The following PRDM11 variants were observed in gnomAD, a reference collection of about 807,000 sequenced individuals.
PRDM11 encodes PR/SET domain 11, also known as PR domain-containing protein 11.
A neutral mutation model predicts 97.8 loss-of-function variants in PRDM11; 20 were observed. The ratio of observed to expected loss-of-function variants is 0.20; its 90% confidence interval spans 0.14 to 0.30. PRDM11 has a LOEUF of 0.30. PRDM11 is among the 10% of genes least tolerant of loss of function. The pLI, the probability that PRDM11 is intolerant of heterozygous loss-of-function variation, is 1.00. For synonymous variants in PRDM11, 599 were observed against 637.7 expected, an observed-to-expected ratio of 0.94 and a Z score of 0.91; for missense variants, 1,139 against 1,555.2, an observed-to-expected ratio of 0.73 and a Z score of 4.50.
chr11:45,123,118 T>C (rs1711837862), intron 1 of PRDM11, among the ~76,000 whole-genome samples: 1 of 152,128 alleles, frequency 6.6e-6, no homozygotes, highest in Non-Finnish European at 1.5e-5. Flanking sequence ...TTTTCATGTG[T>C]TTTTTGGCTG....
intron 1 of PRDM11, among the ~76,000 whole-genome samples, chr11:45,105,383 G>T (rs1316279305): frequency 1.3e-5 from 2 of 152,206 alleles, no homozygotes; most frequent in Non-Finnish European, 2.9e-5. Flanking sequence ...CAAAAGCCTT[G>T]AGCTCATCTA....
At chr11:45,209,990 G>A (rs576060050) in intron 5 of PRDM11, among the ~76,000 whole-genome samples, 1 of 152,178 alleles carries the variant, frequency 6.6e-6, no homozygotes, top group African/African-American at 2.4e-5. Flanking sequence ...CATGTACGAG[G>A]CCCCGCATCA....
chr11:45,126,811 T>G, intron 1 of PRDM11, among the ~76,000 whole-genome samples: 1 of 152,182 alleles, frequency 6.6e-6, no homozygotes, highest in Non-Finnish European at 1.5e-5. Flanking sequence ...GACAATTATG[T>G]GTCTTGGAGT....
intron 1 of PRDM11, among the ~76,000 whole-genome samples, chr11:45,139,845 C>T (rs1170580217): frequency 1.3e-5 from 2 of 152,098 alleles, no homozygotes; most frequent in African/African-American, 2.4e-5. Flanking sequence ...TAGTGGCTCT[C>T]GTGTCTGACG....
At chr11:45,112,597 C>T (rs1403813433) in intron 1 of PRDM11, among the ~76,000 whole-genome samples, 1 of 152,094 alleles carries the variant, frequency 6.6e-6, no homozygotes, top group Admixed American at 6.6e-5. Context: ...CATGCCAACA[C>T]CTATTGTTTT....
At chr11:45,123,262 G>T (rs546572994) in intron 1 of PRDM11, among the ~76,000 whole-genome samples, 126 of 152,304 alleles carry the variant, frequency 8.3e-4, no homozygotes, top group African/African-American at 2.9e-3. Context: ...CAGATGAGTA[G>T]ATTGCAAAAA....
intron 1 of PRDM11, among the ~76,000 whole-genome samples, chr11:45,139,767 AT>A (rs1852959554): frequency 6.6e-6 from 1 of 152,058 alleles, no homozygotes; most frequent in Non-Finnish European, 1.5e-5. Flanking sequence ...TTATGTGCCT[AT>A]GTGTTGGTCT....
intron 1 of PRDM11, among the ~76,000 whole-genome samples, chr11:45,179,047 G>A (rs967743181): frequency 1.7e-4 from 26 of 152,320 alleles, no homozygotes; most frequent in Admixed American, 3.3e-4. Context: ...GTCTGGATAG[G>A]AGTTCCCCAG....
At chr11:45,183,916 C>G (rs973791647) in intron 4 of PRDM11, among the ~76,000 whole-genome samples, 4 of 152,280 alleles carry the variant, frequency 2.6e-5, no homozygotes, top group African/African-American at 9.6e-5. Context: ...ATAAATCCTG[C>G]CTTCATGGAG....
chr11:45,167,310 A>C (rs1251147073), intron 1 of PRDM11, among the ~76,000 whole-genome samples: 1 of 152,170 alleles, frequency 6.6e-6, no homozygotes, highest in African/African-American at 2.4e-5. Context: ...ACACATAAAC[A>C]CACACATACA....
In PRDM11 at chr11:45,228,051, G is replaced by C; in HGVS notation, c.3426G>C (p.Gly1142=). 2 of 1,533,798 alleles carry C rather than the reference G, an allele frequency of 1.3e-6. No individual in the cohort carries two copies. Among genetic ancestry groups the C allele is most frequent in the Non-Finnish European group, 1.7e-6 (2 of 1,146,718 alleles). The stretch of plus-strand genomic sequence containing the variant: ...ACAGCTGGTTTGAGGAGAAGTCTGG[G>C]AACAGTTACGCGCTGTCTGCAGAAG... The part of the protein sequence containing the change: ...ALDSWFEEKS[G]NSYALSAEVL... The change falls in exon 8 of 8, where the codon GGG becomes GGC. Residue 1142 remains glycine, a synonymous_variant. Coordinates refer to ENST00000683152, the MANE Select transcript of PRDM11 (RefSeq NM_001384648.1).
At position 45,228,093 on chromosome 11, in the gene PRDM11, T is replaced by G. The variant is rs1306108900; in HGVS notation, c.3468T>G (p.Ser1156=). ...ALSAEVLSRM[S]ALEQKPALQT... ...CTGCAGAAGTCCTCAGTAGGATGTC[T>G]GCGCTGGAGCAGAAGCCAGCACTAC... Residue 1156 remains serine, a synonymous_variant, in exon 8 of 8, where the codon TCT becomes TCG. Coordinates refer to ENST00000683152, the MANE Select transcript of PRDM11 (RefSeq NM_001384648.1). 5.2e-6 allele frequency: 8 copies of G among 1,533,806 alleles called. No individual in the cohort carries two copies. Among genetic ancestry groups the G allele is most frequent in the Non-Finnish European group, 5.2e-6 (6 of 1,146,716 alleles).
intron 5 of PRDM11, among the ~76,000 whole-genome samples, chr11:45,210,674 A>G (rs1305751454): frequency 6.6e-6 from 1 of 152,204 alleles, no homozygotes; most frequent in Non-Finnish European, 1.5e-5. Context: ...GGCTCCTGAC[A>G]GGTGGCAGTT....
upstream of PRDM11, among the ~76,000 whole-genome samples, chr11:45,142,859 A>G (rs557301782): frequency 2.6e-5 from 4 of 152,332 alleles, no homozygotes; most frequent in African/African-American, 9.6e-5. Flanking sequence ...CAGCTCTTCC[A>G]AATGTGGATT....
chr11:45,206,016 C>T (rs17723470), intron 5 of PRDM11, among the ~76,000 whole-genome samples: 32,311 of 152,172 alleles, frequency 0.21, 3,998 homozygotes, highest in South Asian at 0.3. Context: ...ACAGCTGATC[C>T]GACACTGCCC....
chr11:45,181,427 G>C (rs899525800), intron 1 of PRDM11, among the ~76,000 whole-genome samples: 1 of 152,204 alleles, frequency 6.6e-6, no homozygotes, highest in Non-Finnish European at 1.5e-5. Context: ...TTGCGCCCAG[G>C]CTCATGTGGG....
At chr11:45,157,763 A>G (rs797019355) in intron 1 of PRDM11, among the ~76,000 whole-genome samples, 20 of 152,206 alleles carry the variant, frequency 1.3e-4, no homozygotes, top group African/African-American at 4.6e-4. Context: ...TGGGCTGGCC[A>G]TGGCAGAACT....
At chr11:45,101,473 T>C (rs1213003722) in intron 1 of PRDM11, among the ~76,000 whole-genome samples, 3 of 151,330 alleles carry the variant, frequency 2.0e-5, no homozygotes, top group Non-Finnish European at 4.4e-5. Context: ...GGATAATTGC[T>C]TGAACCCAGG....
At chr11:45,179,359 C>T (rs1183017208) in intron 1 of PRDM11, among the ~76,000 whole-genome samples, 1 of 152,162 alleles carries the variant, frequency 6.6e-6, no homozygotes, top group Non-Finnish European at 1.5e-5. Flanking sequence ...CGTCTGTGTC[C>T]ACGGAATACA....
Sources: gnomAD v4.1 joint callset for allele counts (sites outside exome capture counted in the v4.1 genomes callset) on GRCh38, gnomAD v4.1.1 for gene constraint, MANE v1.5 for transcripts, NCBI Gene and HGNC (gene_info 2026-07-23, HGNC 2026-07-21) for gene names.